Variants in NCAM2 observed in about 807,000 individuals in gnomAD.
NCAM2 encodes the protein N-CAM-2.
NCAM2 carries 30 observed loss-of-function variants against 98.1 expected under a neutral mutation model. That is an observed-to-expected ratio of 0.31 (90% CI 0.23 to 0.41). The LOEUF is 0.41. Ranked by LOEUF, NCAM2 falls within the 10% of genes least tolerant of loss-of-function variation. NCAM2 has a pLI of 1.00. For missense variants in NCAM2, 867 were observed against 1,005.8 expected (o/e 0.86, Z 1.87); for synonymous variants, 368 against 342.4 (o/e 1.07, Z -0.83).
chr21:21,335,573 G>T lies in NCAM2; in HGVS notation c.806G>T (p.Arg269Met), dbSNP rs1459403311. 18 of 1,611,356 alleles carry T rather than the reference G, an allele frequency of 1.1e-5. No individual in the cohort carries two copies. Among genetic ancestry groups the T allele is most frequent in the Non-Finnish European group, 1.5e-5 (18 of 1,178,616 alleles). ...GGGAGCAATACAGAACTCACTGTCAGGAACATAATCAATAGTGATGGTGGT... is the reference window on the plus strand; with the variant it reads ...GGGAGCAATACAGAACTCACTGTCATGAACATAATCAATAGTGATGGTGGT... The part of the protein sequence containing the change: ...LKGSNTELTV[R>M]NIINSDGGPY... The change falls in exon 7 of 18, where the codon AGG becomes ATG. Residue 269 changes from arginine (R) to methionine (M), a missense_variant. Physicochemically the swap from Arg to Met is moderately conservative, Grantham distance 91 (BLOSUM62 -1). Transcript: ENST00000400546.
intron 15 of NCAM2, among the ~76,000 whole-genome samples, chr21:21,490,244 A>G (rs765741560): frequency 6.8e-6 from 1 of 146,474 alleles, no homozygotes; most frequent in South Asian, 2.1e-4. Flanking sequence ...TATCCAAGAA[A>G]TGTAAAAAAT....
intron 9 of NCAM2, among the ~76,000 whole-genome samples, chr21:21,385,371 A>AACACAC (rs543136137): frequency 0.043 from 4,779 of 110,176 alleles, 177 homozygotes; most frequent in African/African-American, 0.12. Context: ...CACAATGTTA[A>AACACAC]ACACACACAC....
At chr21:21,253,920 T>C (rs903416515) in intron 1 of NCAM2, among the ~76,000 whole-genome samples, 1 of 152,186 alleles carries the variant, frequency 6.6e-6, no homozygotes, top group African/African-American at 2.4e-5. Flanking sequence ...CTCAGTGAAA[T>C]ATCCTTGATT....
At chr21:21,008,944 CCAAT>C (rs1394712315) in intron 1 of NCAM2, among the ~76,000 whole-genome samples, 3 of 152,236 alleles carry the variant, frequency 2.0e-5, no homozygotes, top group Non-Finnish European at 1.5e-5. Flanking sequence ...CTTTGAGGAG[CCAAT>C]CAAAGATGAG....
intron 5 of NCAM2, among the ~76,000 whole-genome samples, chr21:21,313,427 C>T (rs1382079892): frequency 2.0e-5 from 3 of 151,622 alleles, no homozygotes; most frequent in Non-Finnish European, 4.4e-5. Context: ...GCTTAATTGG[C>T]CTTTTTATCA....
At chr21:21,005,384 A>G (rs1046307005) in intron 1 of NCAM2, among the ~76,000 whole-genome samples, 2 of 152,200 alleles carry the variant, frequency 1.3e-5, no homozygotes, top group Admixed American at 6.5e-5. Context: ...TTTAACAGAA[A>G]AAAAAGGTTA....
chr21:21,462,939 A>T (rs1229149448), intron 12 of NCAM2, among the ~76,000 whole-genome samples: 1 of 152,094 alleles, frequency 6.6e-6, no homozygotes, highest in Non-Finnish European at 1.5e-5. Flanking sequence ...TGTAATCTAG[A>T]TCTGCTTTCT....
chr21:21,403,151 T>C (rs1440549992), intron 9 of NCAM2, among the ~76,000 whole-genome samples: 1 of 152,180 alleles, frequency 6.6e-6, no homozygotes, highest in South Asian at 2.1e-4. Context: ...TTATGTGTTT[T>C]TTTTGCTATT....
intron 1 of NCAM2, among the ~76,000 whole-genome samples, chr21:21,062,395 A>G (rs947959302): frequency 3.3e-5 from 5 of 152,192 alleles, no homozygotes; most frequent in African/African-American, 1.2e-4. Flanking sequence ...CAGTAATACA[A>G]TCATGAAAGT....
chr21:21,406,536 G>T (rs1046101904), intron 9 of NCAM2, among the ~76,000 whole-genome samples: 2 of 152,170 alleles, frequency 1.3e-5, no homozygotes, highest in African/African-American at 4.8e-5. Flanking sequence ...ACTAAAGTTT[G>T]ATCAAAGAGG....
intron 1 of NCAM2, among the ~76,000 whole-genome samples, chr21:21,159,931 G>C (rs954192835): frequency 2.0e-5 from 3 of 152,026 alleles, no homozygotes; most frequent in African/African-American, 4.8e-5. Context: ...CTGGGTGAGA[G>C]ATACGTACTG....
chr21:21,368,165 A>C (rs1371451455), intron 8 of NCAM2, among the ~76,000 whole-genome samples: 1 of 151,954 alleles, frequency 6.6e-6, no homozygotes, highest in African/African-American at 2.4e-5. Flanking sequence ...CTTATTTTAA[A>C]ATATAAATGT....
Position 21,324,349 on chromosome 21 carries a change from G to T in NCAM2, c.620-34G>T, listed in dbSNP as rs201903342. On this transcript the variant is annotated intron_variant, in intron 5 of 17. Transcript: ENST00000400546. The stretch of plus-strand genomic sequence containing the variant: ...AAATGATGGTAGTGAAGGTGTTTTC[G>T]TCTCTATTTATTCTGTATTCATCTC... 19 of 1,500,156 alleles carry T rather than the reference G, an allele frequency of 1.3e-5. No individual in the cohort carries two copies. In the East Asian group the frequency reaches 4.4e-4, roughly 35 times the overall value. 92.9% of individuals were successfully genotyped at this position (1,500,156 alleles called of 1,614,324 possible).
intron 1 of NCAM2, among the ~76,000 whole-genome samples, chr21:21,113,414 G>A (rs984694410): frequency 1.3e-5 from 2 of 151,830 alleles, no homozygotes; most frequent in Non-Finnish European, 2.9e-5. Flanking sequence ...GCACTTAACG[G>A]TGCACTATTG....
At chr21:21,281,050 T>G (rs1301202525) in intron 2 of NCAM2, among the ~76,000 whole-genome samples, 1 of 152,014 alleles carries the variant, frequency 6.6e-6, no homozygotes, top group Non-Finnish European at 1.5e-5. Flanking sequence ...CTTGGCCTCC[T>G]GAAGTGCTGG....
intron 11 of NCAM2, among the ~76,000 whole-genome samples, chr21:21,422,759 A>G (rs1382635829): frequency 6.6e-6 from 1 of 152,186 alleles, no homozygotes; most frequent in East Asian, 1.9e-4. Context: ...ACTTCACCAT[A>G]AAGTTGGTTT....
intron 1 of NCAM2, among the ~76,000 whole-genome samples, chr21:21,032,399 A>G (rs1333722682): frequency 6.6e-6 from 1 of 152,206 alleles, no homozygotes; most frequent in East Asian, 1.9e-4. Context: ...ATGTAGGCTA[A>G]TAAGTCTCTA....
chr21:21,105,799 G>C (rs2066332452), intron 1 of NCAM2, among the ~76,000 whole-genome samples: 1 of 152,048 alleles, frequency 6.6e-6, no homozygotes, highest in South Asian at 2.1e-4. Flanking sequence ...TCTAGGGAGT[G>C]AATTTCACGG....
intron 16 of NCAM2, among the ~76,000 whole-genome samples, chr21:21,531,813 T>C (rs1254586871): frequency 1.4e-5 from 2 of 138,028 alleles, no homozygotes; most frequent in Non-Finnish European, 3.1e-5. Flanking sequence ...ACCCCGTCTC[T>C]ACTAAAAAAT....
Sources: gnomAD v4.1 joint callset for allele counts (sites outside exome capture counted in the v4.1 genomes callset) on GRCh38, gnomAD v4.1.1 for gene constraint, MANE v1.5 for transcripts, NCBI Gene and HGNC (gene_info 2026-07-23, HGNC 2026-07-21) for gene names.